TEAD1: variants seen among roughly 807,000 people sequenced by gnomAD.
The protein encoded by TEAD1 is TEA domain transcription factor 1, also known as transcriptional enhancer factor TEF-1.
In TEAD1, 9 loss-of-function variants were observed where a neutral mutation model predicts 54.9. That is an observed-to-expected ratio of 0.16 (90% CI 0.10 to 0.29). The LOEUF is 0.29. Among genes scored for constraint, TEAD1 ranks in the 10% least tolerant of loss-of-function variants. The pLI is 1.00. For missense variants in TEAD1, 387 were observed against 535.9 expected, an observed-to-expected ratio of 0.72 and a Z score of 2.74; for synonymous variants, 200 against 187.8, an observed-to-expected ratio of 1.07 and a Z score of -0.53.
chr11:12,902,014 C>A lies in TEAD1; in HGVS notation c.774C>A (p.Asp258Glu), dbSNP rs1239857352. 2 of 1,614,086 alleles carry A rather than the reference C, an allele frequency of 1.2e-6. No homozygotes were observed. The highest frequency in any genetic ancestry group is 2.7e-5 in the African/African-American group (2 of 74,918). The change falls in exon 10 of 13, where the codon GAC (aspartate) becomes GAA (glutamate). Residue 258 changes from aspartate to glutamate, a missense_variant. Transcript: ENST00000527636. ...GTGACCCATTGCTTGAATCAGTGGA[C>A]ATTCGTCAGATTTATGACAAATTTC...
At chr11:12,783,622 G>T (rs1336155426) in intron 3 of TEAD1, among the ~76,000 whole-genome samples, 1 of 152,138 alleles carries the variant, frequency 6.6e-6, no homozygotes, top group Admixed American at 6.5e-5. Flanking sequence ...GCTACTGCGT[G>T]GTGGAGCTGT....
chr11:12,734,542 C>T (rs1944488236), intron 2 of TEAD1, among the ~76,000 whole-genome samples: 1 of 152,234 alleles, frequency 6.6e-6, no homozygotes, highest in South Asian at 2.1e-4. Context: ...CCCAGAGCAA[C>T]TTCCAGTTCT....
chr11:12,758,966 G>A (rs1030495938), intron 2 of TEAD1, among the ~76,000 whole-genome samples: 8 of 152,290 alleles, frequency 5.3e-5, no homozygotes, highest in African/African-American at 1.9e-4. Context: ...TACTCAGGGG[G>A]ACAGAGCCCT....
At chr11:12,844,902 A>G (rs1310454003) in intron 3 of TEAD1, among the ~76,000 whole-genome samples, 1 of 150,754 alleles carries the variant, frequency 6.6e-6, no homozygotes, top group Non-Finnish European at 1.5e-5. Context: ...GTTGGCTCCA[A>G]GGAAGTCACC....
chr11:12,686,804 A>G (rs771228878), intron 2 of TEAD1, among the ~76,000 whole-genome samples: 1 of 152,262 alleles, frequency 6.6e-6, no homozygotes, highest in Non-Finnish European at 1.5e-5. Context: ...ACCAAAAGTA[A>G]TTGGAATGAC....
intron 9 of TEAD1, among the ~76,000 whole-genome samples, chr11:12,900,999 G>C (rs762618551): frequency 7.2e-5 from 11 of 152,166 alleles, no homozygotes; most frequent in Non-Finnish European, 1.3e-4. Context: ...TAGACCAGTG[G>C]TCTCAAATTT....
At chr11:12,907,269 C>A (rs917252928) in intron 10 of TEAD1, among the ~76,000 whole-genome samples, 1 of 152,068 alleles carries the variant, frequency 6.6e-6, no homozygotes, top group Admixed American at 6.5e-5. Flanking sequence ...AGGTGTGTTG[C>A]AGCTGAATCT....
chr11:12,859,404 C>T (rs1947455319), intron 3 of TEAD1, among the ~76,000 whole-genome samples: 1 of 152,200 alleles, frequency 6.6e-6, no homozygotes, highest in Non-Finnish European at 1.5e-5. Context: ...TCAAATAGCC[C>T]TGAACAGGAT....
intron 3 of TEAD1, among the ~76,000 whole-genome samples, chr11:12,839,860 A>G (rs1028665268): frequency 6.6e-5 from 10 of 152,172 alleles, no homozygotes; most frequent in Non-Finnish European, 1.3e-4. Flanking sequence ...AAGACTCATT[A>G]ATCTAAGAAA....
chr11:12,909,128 A>G (rs766156433), intron 10 of TEAD1, among the ~76,000 whole-genome samples: 5 of 152,070 alleles, frequency 3.3e-5, no homozygotes, highest in Non-Finnish European at 7.4e-5. Context: ...ATCTGCTTTT[A>G]TTTTTTCTTC....
intron 3 of TEAD1, among the ~76,000 whole-genome samples, chr11:12,800,938 C>T (rs1239420864): frequency 6.6e-6 from 1 of 152,186 alleles, no homozygotes; most frequent in East Asian, 1.9e-4. Flanking sequence ...CAGCACCATG[C>T]CTGGCACAGA....
intron 2 of TEAD1, among the ~76,000 whole-genome samples, chr11:12,685,027 T>C (rs1943304237): frequency 6.6e-6 from 1 of 152,300 alleles, no homozygotes; most frequent in Admixed American, 6.5e-5. Flanking sequence ...CCTGCTCTGC[T>C]CACATTCCCA....
chr11:12,809,903 T>C (rs1946258802), intron 3 of TEAD1, among the ~76,000 whole-genome samples: 1 of 151,952 alleles, frequency 6.6e-6, no homozygotes, highest in Admixed American at 6.6e-5. Flanking sequence ...GAAGGAGGCC[T>C]TTCTGGACCA....
At chr11:12,851,288 A>G (rs1161718556) in intron 3 of TEAD1, among the ~76,000 whole-genome samples, 1 of 152,236 alleles carries the variant, frequency 6.6e-6, no homozygotes, top group Non-Finnish European at 1.5e-5. Context: ...AAAGTAGCAG[A>G]TATGCGTCTA....
chr11:12,809,769 C>T (rs1352348119), intron 3 of TEAD1, among the ~76,000 whole-genome samples: 2 of 152,086 alleles, frequency 1.3e-5, no homozygotes, highest in African/African-American at 4.8e-5. Flanking sequence ...CTTCTGTTTG[C>T]AGGAGAGGTT....
intron 3 of TEAD1, among the ~76,000 whole-genome samples, chr11:12,819,848 C>A (rs1374649419): frequency 1.3e-5 from 2 of 152,192 alleles, no homozygotes; most frequent in Non-Finnish European, 2.9e-5. Flanking sequence ...TCATAGATAA[C>A]AAAATAGCTT....
rs749486560 is a variant in TEAD1, at chr11:12,883,052, G to A, written c.626G>A (p.Arg209His). 6.2e-6 allele frequency: 10 copies of A among 1,614,044 alleles called. No individual in the cohort carries two copies. Among genetic ancestry groups the A allele is most frequent in the South Asian group, 3.3e-5 (3 of 91,088 alleles). The change falls in exon 9 of 13, where the codon CGC (arginine) becomes CAC (histidine). Residue 209 changes from arginine to histidine, a missense_variant. This residue lies in a region of TEAD1 where 180 missense variants were observed against 180.6 expected (regional missense o/e 1.00). Coordinates refer to ENST00000527636, the MANE Select transcript of TEAD1 (RefSeq NM_021961.6). ...CCCTCAGTCCCTGCCTGGCAAGGTC[G>A]CTCCATTGGCACAACCAAGCTTCGC...
chr11:12,776,933 T>C (rs891175568), intron 3 of TEAD1, among the ~76,000 whole-genome samples: 1 of 152,008 alleles, frequency 6.6e-6, no homozygotes, highest in African/African-American at 2.4e-5. Context: ...TGGCTGGGAT[T>C]ACAGGCATGC....
At chr11:12,806,201 T>G (rs1346329986) in intron 3 of TEAD1, among the ~76,000 whole-genome samples, 1 of 152,240 alleles carries the variant, frequency 6.6e-6, no homozygotes. Context: ...GGTTCAAATT[T>G]AGAGGCCTGC....
Sources: gnomAD v4.1 joint callset for allele counts (sites outside exome capture counted in the v4.1 genomes callset) on GRCh38, gnomAD v4.1.1 for gene constraint, gnomAD v4.1.1 regional missense constraint, MANE v1.5 for transcripts, NCBI Gene and HGNC (gene_info 2026-07-23, HGNC 2026-07-21) for gene names.